The following MYO6 variants were observed in gnomAD, a reference collection of about 807,000 sequenced individuals.
MYO6 encodes myosin VI.
A neutral mutation model predicts 178.7 loss-of-function variants in MYO6; 74 were observed. The observed-to-expected ratio is 0.41, with a 90% CI of 0.34 to 0.50. The LOEUF is 0.50. Ranked by LOEUF, MYO6 falls within the 20% of genes least tolerant of loss-of-function variation. The pLI, the probability that MYO6 is intolerant of heterozygous loss-of-function variation, is 0.09. For synonymous variants in MYO6, 477 were observed against 504.6 expected (o/e 0.95, Z 0.73); for missense variants, 1,330 against 1,547.4 (o/e 0.86, Z 2.36).
intron 11 of MYO6, among the ~76,000 whole-genome samples, chr6:75,849,512 C>T (rs1187078650): frequency 2.0e-5 from 3 of 152,020 alleles, no homozygotes; most frequent in Admixed American, 1.3e-4. Context: ...ACAGCCAGTA[C>T]CTAGTGTAAT....
intron 19 of MYO6, among the ~76,000 whole-genome samples, chr6:75,872,713 ATAT>A (rs1462060251): frequency 6.6e-6 from 1 of 152,160 alleles, no homozygotes; most frequent in Non-Finnish European, 1.5e-5. Flanking sequence ...TATTTTTGTA[ATAT>A]TATTAATTAG....
chr6:75,871,087 CA>C (rs1297293797), intron 19 of MYO6, among the ~76,000 whole-genome samples: 3 of 151,982 alleles, frequency 2.0e-5, no homozygotes, highest in Admixed American at 6.6e-5. Context: ...GCTATAGAGA[CA>C]AAATTTATTA....
In MYO6 at chr6:75,844,933, A is replaced by T; in HGVS notation, c.853A>T (p.Lys285Ter). 1 of 1,613,534 alleles carries T rather than the reference A, an allele frequency of 6.2e-7. No homozygotes were observed. The highest frequency in any genetic ancestry group is 8.5e-7 in the Non-Finnish European group (1 of 1,179,624). The change falls in exon 10 of 35, where the codon AAA becomes TAA. Residue 285 changes from lysine to a stop codon, truncating the protein, a stop_gained. Coordinates refer to ENST00000369977, the MANE Select transcript of MYO6 (RefSeq NM_004999.4). LOFTEE classifies it high-confidence loss of function. ...NRGCTRYFANKETDKQILQNR... is the reference protein window; with the variant it reads ...NRGCTRYFAN ...AGGCTGCACTAGATACTTTGCTAAC[A>T]AAGAAACTGACAAACAGATTTTACA...
At chr6:75,820,408 C>T (rs1195399698) in intron 2 of MYO6, among the ~76,000 whole-genome samples, 1 of 152,106 alleles carries the variant, frequency 6.6e-6, no homozygotes, top group Non-Finnish European at 1.5e-5. Context: ...TTGCTATTGT[C>T]GCCCAGGCTG....
intron 14 of MYO6, among the ~76,000 whole-genome samples, chr6:75,860,667 A>G (rs913689495): frequency 6.6e-6 from 1 of 152,242 alleles, no homozygotes; most frequent in African/African-American, 2.4e-5. Flanking sequence ...TAGTTTATCC[A>G]TCTATGATAA....
intron 23 of MYO6, among the ~76,000 whole-genome samples, chr6:75,883,821 A>G (rs979355882): frequency 1.3e-5 from 2 of 152,242 alleles, no homozygotes; most frequent in African/African-American, 2.4e-5. Flanking sequence ...TGCTAGGTAC[A>G]TGAAAAGGAT....
At chr6:75,836,558 T>G (rs1184077079) in intron 7 of MYO6, among the ~76,000 whole-genome samples, 1 of 152,028 alleles carries the variant, frequency 6.6e-6, no homozygotes, top group Non-Finnish European at 1.5e-5. Flanking sequence ...TGTATAGAAT[T>G]TGGAATAATT....
intron 27 of MYO6, among the ~76,000 whole-genome samples, 182 bp downstream of exon 27, chr6:75,891,488 C>T (rs568287454): frequency 1.3e-4 from 20 of 152,018 alleles, no homozygotes; most frequent in African/African-American, 2.4e-4. Context: ...ACAAATTAGC[C>T]GGACATGGTG....
chr6:75,865,766 AT>A (rs1199916524), intron 16 of MYO6, among the ~76,000 whole-genome samples: 4 of 152,174 alleles, frequency 2.6e-5, no homozygotes, highest in Non-Finnish European at 5.9e-5. Flanking sequence ...AGATATTATG[AT>A]TAAATGGTAC....
intron 1 of MYO6, among the ~76,000 whole-genome samples, chr6:75,807,039 G>A (rs532195002): frequency 1.3e-5 from 2 of 152,314 alleles, no homozygotes; most frequent in Non-Finnish European, 2.9e-5. Context: ...TGTCTTTGAT[G>A]ACAGTGCTCA....
intron 1 of MYO6, among the ~76,000 whole-genome samples, chr6:75,777,376 G>T (rs763931549): frequency 2.0e-5 from 3 of 151,818 alleles, no homozygotes; most frequent in Non-Finnish European, 2.9e-5. Flanking sequence ...GGGTTTAAAA[G>T]ATTTTTTTAA....
chr6:75,773,292 C>A (rs12662248), intron 1 of MYO6, among the ~76,000 whole-genome samples: 1 of 152,144 alleles, frequency 6.6e-6, no homozygotes, highest in Non-Finnish European at 1.5e-5. Flanking sequence ...TGACTTAACA[C>A]TCAACTCTGC....
At chr6:75,779,799 C>T (rs1200648627) in intron 1 of MYO6, among the ~76,000 whole-genome samples, 1 of 152,206 alleles carries the variant, frequency 6.6e-6, no homozygotes, top group Non-Finnish European at 1.5e-5. Flanking sequence ...GTTTAGTTTA[C>T]AGTGCTAAAT....
Position 75,881,675 on chromosome 6 carries a change from A to G in MYO6, c.2287-14A>G. The G allele has an allele frequency of 6.2e-7, 1 of 1,611,320 alleles. No individual in the cohort carries two copies. The highest frequency in any genetic ancestry group is 8.5e-7 in the Non-Finnish European group (1 of 1,177,708). ...TATATTTTAATACTGATACTAAATT[A>G]TTTCACTTCCTAGTTTGCAGAATTT... is the stretch of plus-strand genomic sequence containing the variant. On this transcript the variant is annotated splice_polypyrimidine_tract_variant and intron_variant, in intron 22 of 34. Coordinates refer to ENST00000369977, the MANE Select transcript of MYO6 (RefSeq NM_004999.4).
At chr6:75,805,021 A>ATATATTTTT (rs1252912172) in intron 1 of MYO6, among the ~76,000 whole-genome samples, 5 of 77,284 alleles carry the variant, frequency 6.5e-5, no homozygotes, top group African/African-American at 4.1e-4. Context: ...ATATATATAT[A>ATATATTTTT]TTTTTTTTTT....
intron 31 of MYO6, 149 bp from the exon 32 acceptor site, chr6:75,908,347 T>C: frequency 2.8e-6 from 2 of 704,824 alleles, no homozygotes; most frequent in South Asian, 1.9e-5. Flanking sequence ...ATAAAATGCT[T>C]ATCCTTATGA....
chr6:75,834,317 C>T (rs913640854), intron 6 of MYO6, among the ~76,000 whole-genome samples: 4 of 152,076 alleles, frequency 2.6e-5, no homozygotes, highest in African/African-American at 4.8e-5. Flanking sequence ...ACTGCATCCT[C>T]GACCTCCTGG....
chr6:75,904,590 A>T (rs1780112195), intron 30 of MYO6, among the ~76,000 whole-genome samples: 1 of 152,034 alleles, frequency 6.6e-6, no homozygotes, highest in Admixed American at 6.6e-5. Context: ...AGCTCCTTTA[A>T]GCACTTCTCT....
Position 75,918,487 on chromosome 6 carries a change from G to C in MYO6, c.*3475G>C, listed in dbSNP as rs771776668. ...AATGTGTAATTTATAGGATCAGAAC[G>C]TATGGTTATTAAAACTTGGATCAAG... On this transcript the variant is annotated 3_prime_UTR_variant, in exon 35 of 35. Transcript: ENST00000369977. 6.6e-6 allele frequency: 1 copy of C among 152,208 alleles called. No homozygotes were observed. The highest frequency in any genetic ancestry group is 1.9e-4 in the East Asian group (1 of 5,200). 9.4% of individuals were successfully genotyped at this position (152,208 alleles called of 1,614,324 possible).
Sources: allele counts gnomAD v4.1 joint callset (sites outside exome capture counted in the v4.1 genomes callset), GRCh38; gene constraint gnomAD v4.1.1; transcripts MANE v1.5; gene names NCBI Gene and HGNC (gene_info 2026-07-23, HGNC 2026-07-21).